Variants in CRIM1 observed in about 807,000 individuals in gnomAD.
CRIM1 encodes cysteine rich transmembrane BMP regulator 1, also known as cysteine-rich motor neuron 1 protein.
In CRIM1, 32 loss-of-function variants were observed where a neutral mutation model predicts 116.4. The ratio of observed to expected loss-of-function variants is 0.27; its 90% CI spans 0.21 to 0.37. The LOEUF (loss-of-function observed/expected upper bound fraction) is 0.37, where lower values mean the gene tolerates loss of function less well. Ranked by LOEUF, CRIM1 falls within the 10% of genes least tolerant of loss-of-function variation. The probability of loss-of-function intolerance (pLI) is 1.00; values close to 1 mark genes in which losing one functional copy is unlikely to be tolerated. For missense variants in CRIM1, 1,331 were observed against 1,354.8 expected (o/e 0.98, Z 0.28); for synonymous variants, 590 against 509.2 (o/e 1.16, Z -2.13).
intron 2 of CRIM1, among the ~76,000 whole-genome samples, chr2:36,412,708 A>C (rs909920536): frequency 5.9e-5 from 9 of 152,198 alleles, no homozygotes; most frequent in African/African-American, 2.2e-4. Flanking sequence ...GATATACAAA[A>C]TTTTATACAT....
intron 15 of CRIM1, 69 bp downstream of exon 15, chr2:36,544,567 A>T (rs1667179975): frequency 1.2e-5 from 15 of 1,300,074 alleles, no homozygotes; most frequent in South Asian, 3.2e-5. Flanking sequence ...TCTAATTTTT[A>T]AAATTTCCTA....
chr2:36,465,124 A>G (rs1232156501), intron 5 of CRIM1, among the ~76,000 whole-genome samples: 1 of 152,214 alleles, frequency 6.6e-6, no homozygotes, highest in East Asian at 1.9e-4. Context: ...ATCTTAGCCA[A>G]AAGGCTGAGA....
intron 5 of CRIM1, among the ~76,000 whole-genome samples, chr2:36,466,580 C>T (rs916589986): frequency 2.0e-5 from 3 of 152,204 alleles, no homozygotes; most frequent in East Asian, 1.9e-4. Flanking sequence ...AAAGACTTAA[C>T]GCTCATGCCT....
intron 7 of CRIM1, among the ~76,000 whole-genome samples, chr2:36,481,048 G>A (rs1679378990): frequency 6.6e-6 from 1 of 152,104 alleles, no homozygotes; most frequent in Non-Finnish European, 1.5e-5. Flanking sequence ...CGAATATTTG[G>A]GACACACGGT....
At chr2:36,512,129 C>A in intron 9 of CRIM1, 144 bp from the exon 10 acceptor site, 1 of 909,068 alleles carries the variant, frequency 1.1e-6, no homozygotes. Context: ...AGCTAATTAC[C>A]CATCACTCCA....
At chr2:36,503,187 A>G (rs1220202029) in intron 8 of CRIM1, among the ~76,000 whole-genome samples, 1 of 151,952 alleles carries the variant, frequency 6.6e-6, no homozygotes, top group Non-Finnish European at 1.5e-5. Flanking sequence ...ATCGTATGCA[A>G]CTCTCCTCTC....
intron 2 of CRIM1, among the ~76,000 whole-genome samples, chr2:36,413,534 T>A (rs767879411): frequency 6.6e-6 from 1 of 152,192 alleles, no homozygotes; most frequent in Admixed American, 6.5e-5. Context: ...CAGAGCCTAA[T>A]TGAATGGCTT....
chr2:36,464,888 A>G (rs1275937735), intron 5 of CRIM1, among the ~76,000 whole-genome samples: 1 of 152,212 alleles, frequency 6.6e-6, no homozygotes, highest in Admixed American at 6.5e-5. Flanking sequence ...AGCAGATTGC[A>G]TGTAGCTGTC....
chr2:36,397,814 A>C (rs1451678186), intron 2 of CRIM1, among the ~76,000 whole-genome samples: 1 of 152,202 alleles, frequency 6.6e-6, no homozygotes, highest in Non-Finnish European at 1.5e-5. Context: ...TTAGAAAAGA[A>C]TAGAGTAGAA....
chr2:36,477,151 C>A, intron 6 of CRIM1, 80 bp downstream of exon 6: 1 of 1,159,682 alleles, frequency 8.6e-7, no homozygotes, highest in Non-Finnish European at 1.2e-6. Context: ...CTAATTCAGT[C>A]TCATCCAAAA....
At chr2:36,508,801 A>G (rs1470347565) in intron 8 of CRIM1, among the ~76,000 whole-genome samples, 2 of 152,234 alleles carry the variant, frequency 1.3e-5, no homozygotes, top group Non-Finnish European at 2.9e-5. Context: ...TATTAGGCTA[A>G]TAACTTCAGT....
chr2:36,522,389 C>G, intron 13 of CRIM1, 76 bp downstream of exon 13: 1 of 1,181,064 alleles, frequency 8.5e-7, no homozygotes, highest in African/African-American at 1.5e-5. Context: ...TTTGCTAGAT[C>G]AATTAATATT....
At chr2:36,403,374 A>G (rs3770927) in intron 2 of CRIM1, among the ~76,000 whole-genome samples, 19,123 of 152,252 alleles carry the variant, frequency 0.13, 1,531 homozygotes, top group East Asian at 0.47. Context: ...TAGACAATCA[A>G]AAATTGGCGT....
chr2:36,527,693 G>C lies in CRIM1; in HGVS notation c.2428+5380G>C, dbSNP rs115170976. 4.8e-3 allele frequency among the ~76,000 whole-genome samples: 728 copies of C among 152,246 alleles called. 9 individuals carry two copies. The highest frequency in any genetic ancestry group is 0.017 in the African/African-American group (699 of 41,514). ...TATATAGCATCTCTTTGGAACATCT[G>C]TTGGTCATTGTGTATTTAATTCAGC... On this transcript the variant is annotated intron_variant, in intron 13 of 16. Transcript: ENST00000280527.
At position 36,512,305 on chromosome 2, in the gene CRIM1, G is replaced by A. The variant is rs755797270; in HGVS notation, c.1691G>A (p.Cys564Tyr). 1 of 1,613,638 alleles carries A rather than the reference G, an allele frequency of 6.2e-7. No homozygotes were observed. The highest frequency in any genetic ancestry group is 8.5e-7 in the Non-Finnish European group (1 of 1,179,640). Residue 564 changes from cysteine (C) to tyrosine (Y), a missense_variant, in exon 10 of 17, where the codon TGT (cysteine) becomes TAT (tyrosine). By Grantham distance (194) the Cys-to-Tyr change is radical (BLOSUM62 -2). Around this residue, in one of 3 missense-constraint regions of CRIM1, gnomAD observed 358 missense variants for 436.1 expected, o/e 0.82. Coordinates refer to ENST00000280527, the MANE Select transcript of CRIM1 (RefSeq NM_016441.3). ...AAGCACGGCTGTGACATCTGTCGCT[G>A]TAAGAAATGTCCAGAGCTCTCATGC... ...KNKHGCDICR[C>Y]KKCPELSCSK...
chr2:36,381,111 G>A (rs1051211863), intron 1 of CRIM1, among the ~76,000 whole-genome samples: 3 of 150,336 alleles, frequency 2.0e-5, no homozygotes, highest in Non-Finnish European at 3.0e-5. Flanking sequence ...TCTTGCCCCC[G>A]CCCCTACCCC....
chr2:36,511,653 G>T (rs182156707), intron 9 of CRIM1, among the ~76,000 whole-genome samples: 6 of 152,282 alleles, frequency 3.9e-5, no homozygotes, highest in African/African-American at 1.4e-4. Flanking sequence ...GCACATTCAG[G>T]GAGGACCCAG....
chr2:36,548,263 C>T (rs1343259006), intron 16 of CRIM1, among the ~76,000 whole-genome samples: 1 of 138,748 alleles, frequency 7.2e-6, no homozygotes, highest in Non-Finnish European at 1.5e-5. Flanking sequence ...ATCATTTCAC[C>T]AGTCTTTTTT....
intron 4 of CRIM1, among the ~76,000 whole-genome samples, chr2:36,453,528 A>C (rs1676894307): frequency 6.6e-6 from 1 of 152,200 alleles, no homozygotes; most frequent in African/African-American, 2.4e-5. Flanking sequence ...GCTTTTAACT[A>C]AATTAGATAG....
Sources: allele counts gnomAD v4.1 joint callset (sites outside exome capture counted in the v4.1 genomes callset), GRCh38; gene constraint gnomAD v4.1.1; regional missense constraint gnomAD v4.1.1; transcripts MANE v1.5; gene names NCBI Gene and HGNC (gene_info 2026-07-23, HGNC 2026-07-21).